Variants in TFDP2 observed in about 807,000 individuals in gnomAD.
TFDP2 encodes transcription factor Dp-2, also known as transcription factor Dp-2 (E2F dimerization partner 2).
A neutral mutation model predicts 59.3 loss-of-function variants in TFDP2; 17 were observed. The ratio of observed to expected loss-of-function variants is 0.29; its 90% CI spans 0.20 to 0.43. The LOEUF (loss-of-function observed/expected upper bound fraction) is 0.43. Among genes scored for constraint, TFDP2 ranks in the 20% least tolerant of loss-of-function variants. The pLI is 1.00. For missense variants in TFDP2, 391 were observed against 528.8 expected (o/e 0.74, Z 2.56); for synonymous variants, 180 against 194.7 (o/e 0.92, Z 0.63).
At chr3:142,118,425 C>A (rs2061921411) in intron 1 of TFDP2, among the ~76,000 whole-genome samples, 1 of 152,120 alleles carries the variant, frequency 6.6e-6, no homozygotes, top group Non-Finnish European at 1.5e-5. Context: ...GTAACACAAT[C>A]CTCTGAACTG....
At chr3:142,046,533 A>G (rs1339273583) in intron 3 of TFDP2, among the ~76,000 whole-genome samples, 1 of 152,160 alleles carries the variant, frequency 6.6e-6, no homozygotes, top group East Asian at 1.9e-4. Context: ...GATAAGAGAG[A>G]TGGGAGGGAG....
chr3:142,018,929 GTT>G (rs62753560), intron 3 of TFDP2, among the ~76,000 whole-genome samples: 5 of 125,220 alleles, frequency 4.0e-5, no homozygotes, highest in Non-Finnish European at 8.1e-5. Flanking sequence ...TTTTTGGTGA[GTT>G]TTTTTTTTTT....
intron 3 of TFDP2, among the ~76,000 whole-genome samples, chr3:142,061,941 CACAG>C (rs1175007984): frequency 8.4e-6 from 1 of 119,172 alleles, no homozygotes; most frequent in Non-Finnish European, 1.8e-5. Context: ...CACACACACA[CACAG>C]AGCTGATATT....
At chr3:141,985,921 T>G (rs990874623) in intron 6 of TFDP2, among the ~76,000 whole-genome samples, 1 of 152,192 alleles carries the variant, frequency 6.6e-6, no homozygotes. Context: ...TGCTTTGAGT[T>G]AATTTTTATT....
intron 3 of TFDP2, among the ~76,000 whole-genome samples, chr3:142,062,449 C>A (rs1270910060): frequency 6.8e-6 from 1 of 147,604 alleles, no homozygotes; most frequent in East Asian, 2.0e-4. Flanking sequence ...TCATAAAAAA[C>A]CAATAGGAGA....
intron 1 of TFDP2, among the ~76,000 whole-genome samples, chr3:142,115,780 G>T (rs577349041): frequency 3.5e-4 from 53 of 152,152 alleles, no homozygotes; most frequent in African/African-American, 1.2e-3. Flanking sequence ...TTACAATAGT[G>T]CTACCTTCTT....
chr3:141,990,028 G>T (rs1232180555), intron 6 of TFDP2, among the ~76,000 whole-genome samples: 1 of 151,838 alleles, frequency 6.6e-6, no homozygotes, highest in Admixed American at 6.6e-5. Flanking sequence ...CGAATAGCTG[G>T]GATTACAGGC....
intron 3 of TFDP2, among the ~76,000 whole-genome samples, chr3:142,012,234 G>A (rs571575777): frequency 2.0e-5 from 3 of 152,034 alleles, no homozygotes; most frequent in Non-Finnish European, 4.4e-5. Context: ...GGACGGTCTC[G>A]ATCTCCTGAC....
chr3:142,106,119 A>G (rs1412733476), intron 1 of TFDP2, among the ~76,000 whole-genome samples: 2 of 152,156 alleles, frequency 1.3e-5, no homozygotes, highest in African/African-American at 4.8e-5. Flanking sequence ...TTGTGGTTAA[A>G]AAAAAAAACT....
chr3:142,019,647 A>ACCCCC (rs55808596), intron 3 of TFDP2, among the ~76,000 whole-genome samples: 13 of 150,320 alleles, frequency 8.6e-5, no homozygotes, highest in East Asian at 7.8e-4. Context: ...TATATTAAAC[A>ACCCCC]CCCCCCCCAA....
chr3:142,137,685 T>C (rs976401661), intron 1 of TFDP2, among the ~76,000 whole-genome samples: 1 of 152,224 alleles, frequency 6.6e-6, no homozygotes, highest in Non-Finnish European at 1.5e-5. Context: ...TTACTTTTAT[T>C]GATTTGCATA....
intron 3 of TFDP2, chr3:142,043,828 C>T: frequency 1.3e-6 from 2 of 1,547,034 alleles, no homozygotes; most frequent in Admixed American, 1.7e-5. Context: ...GAACACATTT[C>T]CCTTCACCTT....
At chr3:142,117,262 GA>G (rs939541210) in intron 1 of TFDP2, among the ~76,000 whole-genome samples, 7 of 152,182 alleles carry the variant, frequency 4.6e-5, no homozygotes, top group African/African-American at 1.7e-4. Flanking sequence ...TAGAACAATG[GA>G]GGTAATCTGA....
intron 1 of TFDP2, among the ~76,000 whole-genome samples, chr3:142,127,336 C>T (rs1377844648): frequency 5.0e-5 from 6 of 120,406 alleles, no homozygotes; most frequent in Admixed American, 4.1e-4. Flanking sequence ...GAGACAGAGT[C>T]TCGCTGTGTT....
Position 141,969,386 on chromosome 3 carries a change from GT to G in TFDP2, c.732+686del, listed in dbSNP as rs574665354. Among the ~76,000 whole-genome samples the G allele has an allele frequency of 2.5e-3, 369 of 150,086 alleles. 7 individuals are homozygous for G. The highest frequency in any genetic ancestry group is 8.6e-3 in the African/African-American group (351 of 40,852). On this transcript the variant is annotated intron_variant, in intron 9 of 12. Transcript: ENST00000489671. The stretch of plus-strand genomic sequence containing the variant: ...CCAGCACTTTGGGAGGCTGAGGCGG[GT>G]GGATCACAAAGTCAGGAGTTCAAGA...
At chr3:142,059,405 T>C (rs549508031) in intron 3 of TFDP2, among the ~76,000 whole-genome samples, 131 of 152,286 alleles carry the variant, frequency 8.6e-4, no homozygotes, top group Non-Finnish European at 1.4e-3. Flanking sequence ...TGACCAATGG[T>C]CAAAATAATA....
At chr3:142,093,297 T>C (rs2061057436) in intron 2 of TFDP2, among the ~76,000 whole-genome samples, 170 bp from the exon 3 acceptor site, 1 of 151,978 alleles carries the variant, frequency 6.6e-6, no homozygotes, top group South Asian at 2.1e-4. Flanking sequence ...AATGTTGACA[T>C]ATTATTTAAA....
At chr3:142,000,387 C>T (rs1006998242) in intron 4 of TFDP2, 1 of 691,524 alleles carries the variant, frequency 1.4e-6, no homozygotes, top group Non-Finnish European at 2.6e-6. Flanking sequence ...GTGCTCCCTT[C>T]AACCTCTTTT....
Position 141,963,961 on chromosome 3 carries a change from T to G in TFDP2, c.735A>C (p.Gln245His), listed in dbSNP as rs767039918. The change falls in exon 10 of 13, where the codon CAA becomes CAC. Residue 245 changes from glutamine to histidine, a missense_variant and splice_region_variant. Around this residue, in one of 3 missense-constraint regions of TFDP2, gnomAD observed 223 missense variants for 292.5 expected, o/e 0.76. Coordinates refer to ENST00000489671, the MANE Select transcript of TFDP2 (RefSeq NM_001178139.2). ...RAQLQELLLQ[Q>H]IAFKNLVQRN... ...TCTGTACCAGGTTTTTGAAAGCGATTTGCTGTAATGATCAATAAAAACAAT... is the reference window on the plus strand; with the variant it reads ...TCTGTACCAGGTTTTTGAAAGCGATGTGCTGTAATGATCAATAAAAACAAT... The G allele has an allele frequency of 6.2e-7, 1 of 1,613,176 alleles. No homozygotes were observed. The highest frequency in any genetic ancestry group is 8.5e-7 in the Non-Finnish European group (1 of 1,179,768).
Sources: allele counts gnomAD v4.1 joint callset (sites outside exome capture counted in the v4.1 genomes callset), GRCh38; gene constraint gnomAD v4.1.1; regional missense constraint gnomAD v4.1.1; transcripts MANE v1.5; gene names NCBI Gene and HGNC (gene_info 2026-07-23, HGNC 2026-07-21).